The following FAAH2 variants were observed in gnomAD, a reference collection of about 807,000 sequenced individuals.
FAAH2 encodes fatty-acid amide hydrolase 2.
In FAAH2, 60 loss-of-function variants were observed where a neutral mutation model predicts 36.9. The observed-to-expected ratio is 1.63, with a 90% confidence interval of 1.32 to 2.02. The LOEUF is 2.02. FAAH2 is among the 30% of genes most tolerant of loss of function. The pLI, the probability that FAAH2 is intolerant of heterozygous loss-of-function variation, is 0.00. For missense variants in FAAH2, 689 were observed against 397.5 expected (o/e 1.73, Z -6.23); for synonymous variants, 214 against 143.8 (o/e 1.49, Z -3.49).
chrX:57,144,697 A>G, the FAAH2 span, among the ~76,000 whole-genome samples: 1 of 110,040 alleles, frequency 9.1e-6, no homozygotes, highest in East Asian at 2.8e-4. Context: ...AAGTGTTCCC[A>G]AAGTCCGTTG....
chrX:57,341,456 T>C, intron 5 of FAAH2, 66 bp downstream of exon 5: 1 of 1,100,325 alleles, frequency 9.1e-7, no homozygotes, highest in South Asian at 2.2e-5. Flanking sequence ...GAAATTTTGT[T>C]CTAGCAGGAT....
At chrX:57,430,678 T>C (rs929596343) in intron 7 of FAAH2, among the ~76,000 whole-genome samples, 2 of 112,207 alleles carry the variant, frequency 1.8e-5, no homozygotes, top group Non-Finnish European at 3.8e-5. Flanking sequence ...CTGCTTTGAC[T>C]CTTCTGCTTA....
the FAAH2 span, among the ~76,000 whole-genome samples, chrX:57,133,307 T>C: frequency 8.9e-6 from 1 of 112,437 alleles, no homozygotes; most frequent in Non-Finnish European, 1.9e-5. Flanking sequence ...TATCTGTGCC[T>C]AGAAGAGTGC....
intron 3 of FAAH2, among the ~76,000 whole-genome samples, chrX:57,328,475 C>T (rs1297116155): frequency 9.0e-6 from 1 of 111,586 alleles, no homozygotes; most frequent in Non-Finnish European, 1.9e-5. Flanking sequence ...ATTGTGAATT[C>T]TAGCTTCCTT....
chrX:57,419,793 C>T (rs1431963153), intron 7 of FAAH2, among the ~76,000 whole-genome samples: 1 of 111,639 alleles, frequency 9.0e-6, no homozygotes, highest in African/African-American at 3.3e-5. Context: ...AGTCCTTGCC[C>T]ATGCCTATGT....
chrX:57,317,526 G>C (rs1330184993), intron 3 of FAAH2, among the ~76,000 whole-genome samples: 9 of 111,619 alleles, frequency 8.1e-5, no homozygotes. Flanking sequence ...CAAGTTTTTA[G>C]AGACAAACAA....
chrX:57,416,630 C>T (rs190633774), intron 7 of FAAH2, among the ~76,000 whole-genome samples: 16 of 111,747 alleles, frequency 1.4e-4, no homozygotes, highest in Admixed American at 3.8e-4. Context: ...TTGTGGATAA[C>T]CTGTCCTTTC....
At chrX:57,426,038 A>G (rs769611394) in intron 7 of FAAH2, among the ~76,000 whole-genome samples, 3 of 112,162 alleles carry the variant, frequency 2.7e-5, no homozygotes, top group Non-Finnish European at 5.7e-5. Context: ...AGTAAGCAAG[A>G]GTATCATGTG....
chrX:57,427,013 G>C (rs749071224), intron 7 of FAAH2, among the ~76,000 whole-genome samples: 1 of 111,088 alleles, frequency 9.0e-6, no homozygotes, highest in African/African-American at 3.3e-5. Context: ...ACCATGAGAA[G>C]AAGAGAGATG....
chrX:57,235,664 C>A, the FAAH2 span, among the ~76,000 whole-genome samples: 2 of 111,694 alleles, frequency 1.8e-5, no homozygotes, highest in South Asian at 7.5e-4. Context: ...GAGTAAATAT[C>A]TTCCTTCTTA....
chrX:57,213,063 G>A, the FAAH2 span, among the ~76,000 whole-genome samples: 17 of 111,303 alleles, frequency 1.5e-4, no homozygotes, highest in East Asian at 2.5e-3. Flanking sequence ...AATCTTGAAA[G>A]GTTGCAGCTT....
At chrX:57,423,008 C>T (rs982075925) in intron 7 of FAAH2, among the ~76,000 whole-genome samples, 1 of 111,754 alleles carries the variant, frequency 8.9e-6, no homozygotes, top group African/African-American at 3.2e-5. Flanking sequence ...GAGAATTTCT[C>T]TCTGATACAT....
chrX:57,425,482 C>G (rs868484866), intron 7 of FAAH2, among the ~76,000 whole-genome samples: 1 of 111,330 alleles, frequency 9.0e-6, no homozygotes. Context: ...TTTGAGTCAC[C>G]TATAAAGGAA....
the FAAH2 span, among the ~76,000 whole-genome samples, chrX:57,261,565 A>AG: frequency 9.3e-6 from 1 of 107,951 alleles, no homozygotes; most frequent in African/African-American, 3.3e-5. Flanking sequence ...AAAAAAAAAA[A>AG]AAAAAAAAAA....
chrX:57,177,979 CT>C, the FAAH2 span, among the ~76,000 whole-genome samples: 1 of 110,770 alleles, frequency 9.0e-6, no homozygotes, highest in South Asian at 3.8e-4. Flanking sequence ...GTAGCAGTCC[CT>C]GAGGGCCAAA....
At chrX:57,338,338 T>C (rs1397253317) in intron 4 of FAAH2, among the ~76,000 whole-genome samples, 2 of 111,668 alleles carry the variant, frequency 1.8e-5, no homozygotes, top group Non-Finnish European at 3.8e-5. Flanking sequence ...GGTAATGTAA[T>C]CACTTAAGGC....
At chrX:57,128,467 T>C in the FAAH2 span, among the ~76,000 whole-genome samples, 1 of 111,806 alleles carries the variant, frequency 8.9e-6, no homozygotes. Context: ...TGTATAGTAA[T>C]GACTATTTCC....
At chrX:57,153,698 C>T in the FAAH2 span, among the ~76,000 whole-genome samples, 2 of 112,410 alleles carry the variant, frequency 1.8e-5, no homozygotes, top group African/African-American at 6.5e-5. Context: ...GGCCCCAATT[C>T]CTTCTAGCTC....
At chrX:57,288,334 ATTTC>A (rs2051871723) in intron 1 of FAAH2, among the ~76,000 whole-genome samples, 2 of 61,176 alleles carry the variant, frequency 3.3e-5, no homozygotes, top group African/African-American at 7.9e-5. Flanking sequence ...TCTTAAAAAC[ATTTC>A]TTTTTTTTTT....
Sources: allele counts gnomAD v4.1 joint callset (sites outside exome capture counted in the v4.1 genomes callset), GRCh38; gene constraint gnomAD v4.1.1; transcripts MANE v1.5; gene names NCBI Gene and HGNC (gene_info 2026-07-23, HGNC 2026-07-21).